Variants in PEDS1 observed in about 807,000 individuals in gnomAD.
The protein encoded by PEDS1 is plasmanylethanolamine desaturase 1, also known as CarF homolog.
A neutral mutation model predicts 35.2 loss-of-function variants in PEDS1; 14 were observed. The observed-to-expected ratio is 0.40, with a 90% confidence interval of 0.26 to 0.62. The LOEUF (loss-of-function observed/expected upper bound fraction) is 0.62. PEDS1 is among the 20% of genes least tolerant of loss of function. The pLI, the probability that PEDS1 is intolerant of heterozygous loss-of-function variation, is 0.44. For missense variants in PEDS1, 260 were observed against 367.8 expected (o/e 0.71, Z 2.40); for synonymous variants, 152 against 152.0 (o/e 1.00, Z 0.00).
At position 50,129,945 on chromosome 20, in the gene PEDS1, C is replaced by G. The variant is rs575618615; in HGVS notation, c.334-255G>C. Among the ~76,000 whole-genome samples, 5 of 152,286 alleles carry G rather than the reference C, an allele frequency of 3.3e-5. No individual in the cohort carries two copies. Among genetic ancestry groups the G allele is most frequent in the Admixed American group, 6.5e-5 (1 of 15,296 alleles). ...TGCCTCTGGGCCTCAGTCTCCCTAC[C>G]TGTGCTGTAAGGGGGCTTGGAGACA... On this transcript the variant is annotated intron_variant, in intron 3 of 5. Coordinates refer to ENST00000371652, the MANE Select transcript of PEDS1 (RefSeq NM_199129.4). This position sits in a 1 kb window ranked among gnomAD's most constrained non-coding sequence, Gnocchi z 4.2.
intron 1 of PEDS1, among the ~76,000 whole-genome samples, chr20:50,147,005 G>A (rs955234822): frequency 2.0e-5 from 3 of 152,168 alleles, no homozygotes; most frequent in East Asian, 1.9e-4. Flanking sequence ...GGGAGGACAC[G>A]GAGAGGCGGT....
In PEDS1 at chr20:50,120,666, C is replaced by T. The variant is rs1337104708; in HGVS notation, c.*4392G>A. On this transcript the variant is annotated 3_prime_UTR_variant, in exon 6 of 6. Transcript: ENST00000371652. The stretch of plus-strand genomic sequence containing the variant: ...CCTGGGCAACATGGTGAAACCCCAT[C>T]TCTACAAAAAATACAAAAAGAAACT... 6.6e-6 allele frequency: 1 copy of T among 152,050 alleles called. No individual in the cohort carries two copies. The highest frequency in any genetic ancestry group is 1.5e-5 in the Non-Finnish European group (1 of 68,060). The allele number at this position is 152,050 out of a possible 1,614,324, so 9.4% of individuals were successfully genotyped here.
At chr20:50,130,123 A>G (rs868714259) in intron 3 of PEDS1, among the ~76,000 whole-genome samples, 1 of 152,144 alleles carries the variant, frequency 6.6e-6, no homozygotes, top group Non-Finnish European at 1.5e-5. Context: ...CGGGCTGAGA[A>G]AGAACACGTG....
intron 2 of PEDS1, among the ~76,000 whole-genome samples, chr20:50,133,206 C>T (rs1027708915): frequency 1.3e-5 from 2 of 151,858 alleles, no homozygotes; most frequent in Admixed American, 6.6e-5. Flanking sequence ...GCAATCCTGA[C>T]GTCCAGGCCT....
chr20:50,153,431 G>A lies in PEDS1; in HGVS notation c.121+86C>T, dbSNP rs913110922. On this transcript the variant is annotated intron_variant, in intron 1 of 5. Transcript: ENST00000371652. ...ACCCGGGCTGGAGTTCCGCATCTGG[G>A]CCCGAGGTTGGGACTCCAGTCTGGG... The A allele has an allele frequency of 1.0e-5, 13 of 1,238,742 alleles. No homozygotes were observed. The African/African-American group carries it at 1.7e-4, about 16-fold the overall frequency. 76.7% of individuals were successfully genotyped at this position (1,238,742 alleles called of 1,614,324 possible).
At chr20:50,132,223 G>C (rs1178166076) in intron 2 of PEDS1, among the ~76,000 whole-genome samples, 1 of 152,048 alleles carries the variant, frequency 6.6e-6, no homozygotes, top group East Asian at 1.9e-4. Flanking sequence ...ATAAATAAAA[G>C]GGAATGATGC....
At chr20:50,126,625 C>T (rs1022468253) in intron 5 of PEDS1, among the ~76,000 whole-genome samples, 1 of 152,168 alleles carries the variant, frequency 6.6e-6, no homozygotes, top group African/African-American at 2.4e-5. Flanking sequence ...AGGAGAAAAG[C>T]GGTCCCCAGG....
intron 1 of PEDS1, among the ~76,000 whole-genome samples, 185 bp downstream of exon 1, chr20:50,153,332 G>A (rs2081425317): frequency 6.6e-6 from 1 of 152,106 alleles, no homozygotes; most frequent in African/African-American, 2.4e-5. Context: ...GGAAACCCCG[G>A]GGCCAAGGTT....
intron 1 of PEDS1, among the ~76,000 whole-genome samples, chr20:50,149,713 C>A (rs576421083): frequency 6.6e-6 from 1 of 152,312 alleles, no homozygotes; most frequent in African/African-American, 2.4e-5. Context: ...ACACAGAGGC[C>A]CATTCTCTGC....
chr20:50,142,932 C>T (rs139848086), intron 2 of PEDS1, among the ~76,000 whole-genome samples: 3 of 152,186 alleles, frequency 2.0e-5, no homozygotes, highest in Admixed American at 6.5e-5. Flanking sequence ...AGGGGGCCAG[C>T]GTGGCAGGTG....
intron 2 of PEDS1, among the ~76,000 whole-genome samples, chr20:50,138,829 G>A (rs1431028555): frequency 2.0e-4 from 31 of 152,190 alleles, no homozygotes; most frequent in Admixed American, 1.6e-3. Flanking sequence ...ACCCTTCCCC[G>A]CAGAACACTG....
chr20:50,131,486 G>T (rs2081179510), intron 2 of PEDS1, among the ~76,000 whole-genome samples: 1 of 152,082 alleles, frequency 6.6e-6, no homozygotes, highest in Admixed American at 6.6e-5. Flanking sequence ...GCCAGGTGTG[G>T]TGGCATGCGC....
chr20:50,133,648 C>T (rs2081202410), intron 2 of PEDS1, among the ~76,000 whole-genome samples: 1 of 152,206 alleles, frequency 6.6e-6, no homozygotes, highest in African/African-American at 2.4e-5. Context: ...CACCCCACCC[C>T]CACTCCAGAT....
chr20:50,152,222 G>A (rs2081411791), intron 1 of PEDS1, among the ~76,000 whole-genome samples: 3 of 152,188 alleles, frequency 2.0e-5, no homozygotes, highest in Non-Finnish European at 2.9e-5. Context: ...GACCCAGTGA[G>A]GAAATGCAAA....
chr20:50,142,695 C>G (rs868403355), intron 2 of PEDS1, among the ~76,000 whole-genome samples: 79 of 107,194 alleles, frequency 7.4e-4, no homozygotes, highest in African/African-American at 2.4e-3. Flanking sequence ...CCCCCCCCCC[C>G]GCCCCAACGG....
chr20:50,146,892 T>C (rs2081350745), intron 1 of PEDS1, among the ~76,000 whole-genome samples: 1 of 152,162 alleles, frequency 6.6e-6, no homozygotes, highest in African/African-American at 2.4e-5. Context: ...CGCCCCAGCC[T>C]GGGGATCACC....
intron 1 of PEDS1, among the ~76,000 whole-genome samples, chr20:50,150,183 T>A (rs933039263): frequency 2.0e-5 from 3 of 152,174 alleles, no homozygotes; most frequent in Admixed American, 6.5e-5. Flanking sequence ...GTAGTGGGGA[T>A]GCACGGAGAG....
intron 5 of PEDS1, among the ~76,000 whole-genome samples, chr20:50,127,747 C>T (rs147081103): frequency 5.3e-5 from 8 of 152,172 alleles, no homozygotes; most frequent in African/African-American, 1.2e-4. Flanking sequence ...GGAATCACAA[C>T]GCCATGAAGT....
At chr20:50,153,239 T>A (rs2081423894) in intron 1 of PEDS1, among the ~76,000 whole-genome samples, 1 of 151,902 alleles carries the variant, frequency 6.6e-6, no homozygotes, top group East Asian at 1.9e-4. Context: ...TAGGATTCCG[T>A]ATCTGCGGGT....
Sources: gnomAD v4.1 joint callset for allele counts (sites outside exome capture counted in the v4.1 genomes callset) on GRCh38, gnomAD v4.1.1 for gene constraint, Gnocchi (gnomAD v3.1) non-coding constraint, MANE v1.5 for transcripts, NCBI Gene and HGNC (gene_info 2026-07-23, HGNC 2026-07-21) for gene names.